DAB1: variants seen among roughly 807,000 people sequenced by gnomAD.
The protein encoded by DAB1 is DAB adaptor protein 1.
A neutral mutation model predicts 64.6 loss-of-function variants in DAB1; 15 were observed. The ratio of observed to expected loss-of-function variants is 0.23; its 90% confidence interval spans 0.16 to 0.36. The LOEUF is 0.36. DAB1 is among the 10% of genes least tolerant of loss of function. The pLI is 1.00. For synonymous variants in DAB1, 235 were observed against 251.9 expected, an observed-to-expected ratio of 0.93 and a Z score of 0.64; for missense variants, 596 against 706.7, an observed-to-expected ratio of 0.84 and a Z score of 1.78.
intron 2 of DAB1, among the ~76,000 whole-genome samples, chr1:57,153,584 T>C (rs1659901822): frequency 6.6e-6 from 1 of 151,870 alleles, no homozygotes; most frequent in African/African-American, 2.4e-5. Context: ...GGTTTTTTTA[T>C]TTTAATTTTT....
chr1:58,319,495 C>T (rs1662635270), intron 4 of DAB1, among the ~76,000 whole-genome samples: 1 of 152,196 alleles, frequency 6.6e-6, no homozygotes. Flanking sequence ...CAAACATTCT[C>T]AGGACTCTTC....
chr1:58,125,684 A>T (rs1250724841), intron 5 of DAB1, among the ~76,000 whole-genome samples: 1 of 152,126 alleles, frequency 6.6e-6, no homozygotes. Flanking sequence ...AGGCTCAAAC[A>T]ATCCACCTGT....
intron 5 of DAB1, among the ~76,000 whole-genome samples, chr1:58,084,217 G>T (rs1227338290): frequency 6.6e-6 from 1 of 152,108 alleles, no homozygotes; most frequent in African/African-American, 2.4e-5. Context: ...AGGATCAAAT[G>T]AGATGTTTCT....
At chr1:57,189,750 T>C (rs1663943776) in intron 2 of DAB1, among the ~76,000 whole-genome samples, 1 of 150,150 alleles carries the variant, frequency 6.7e-6, no homozygotes, top group Non-Finnish European at 1.5e-5. Flanking sequence ...AACAGGAGCA[T>C]CCATTAAAAA....
chr1:58,303,573 T>A (rs949006317), intron 4 of DAB1, among the ~76,000 whole-genome samples: 8 of 152,156 alleles, frequency 5.3e-5, no homozygotes, highest in African/African-American at 1.9e-4. Context: ...AAACCAGAGA[T>A]GCGTGATATG....
At chr1:58,161,565 G>A (rs1053601945) in intron 4 of DAB1, among the ~76,000 whole-genome samples, 1 of 152,122 alleles carries the variant, frequency 6.6e-6, no homozygotes, top group Non-Finnish European at 1.5e-5. Flanking sequence ...CTTACTGAGT[G>A]CCAAATACTG....
At chr1:58,096,753 T>C (rs936980588) in intron 5 of DAB1, among the ~76,000 whole-genome samples, 3 of 152,244 alleles carry the variant, frequency 2.0e-5, no homozygotes, top group Admixed American at 2.0e-4. Flanking sequence ...CCAATATATC[T>C]CTGCTACTTT....
At chr1:57,297,985 C>A (rs1570203097) in intron 1 of DAB1, among the ~76,000 whole-genome samples, 1 of 152,204 alleles carries the variant, frequency 6.6e-6, no homozygotes, top group Admixed American at 6.5e-5. Context: ...AGACTGTATT[C>A]CATGCCCACT....
At chr1:57,086,573 G>T (rs545499255) in intron 4 of DAB1, among the ~76,000 whole-genome samples, 3 of 151,378 alleles carry the variant, frequency 2.0e-5, no homozygotes, top group African/African-American at 4.9e-5. Context: ...CCTGCTTCCT[G>T]GTCTACAGTC....
intron 3 of DAB1, among the ~76,000 whole-genome samples, chr1:58,413,334 T>C (rs1262505894): frequency 6.6e-6 from 1 of 152,230 alleles, no homozygotes; most frequent in Admixed American, 6.5e-5. Flanking sequence ...TTATCTCACT[T>C]ATTCTTAAAA....
At position 58,036,410 on chromosome 1, in the gene DAB1, T is replaced by C. The variant is rs542642541; in HGVS notation, n.387+114101A>G. ...GCTGGTTGAGCGTGCCCTGCCACTCTGGGCTGCCCACAGGGAGATCTAGCT... is the reference window on the plus strand; with the variant it reads ...GCTGGTTGAGCGTGCCCTGCCACTCCGGGCTGCCCACAGGGAGATCTAGCT... On this transcript the variant is annotated intron_variant and non_coding_transcript_variant, in intron 5 of 20. Transcript: ENST00000485760. Among the ~76,000 whole-genome samples, 6 of 152,302 alleles carry C rather than the reference T, an allele frequency of 3.9e-5. No homozygotes were observed. In the South Asian group the frequency reaches 1.2e-3, roughly 32 times the overall value.
rs921996172 is a variant in DAB1 at position 57,402,112 on chromosome 1, C to T, written c.-137+21818G>A. Among the ~76,000 whole-genome samples, 16 of 152,084 alleles carry T rather than the reference C, an allele frequency of 1.1e-4. 1 individual carries two copies. The highest frequency in any genetic ancestry group is 8.3e-4 in the South Asian group (4 of 4,820). ...ATAAAGAAAAAGACCTCTAATTTCA[C>T]GGTACAGTAGATGTTAGAACAAGAA... On this transcript the variant is annotated intron_variant, in intron 1 of 14. Transcript: ENST00000371236.
chr1:57,242,785 C>A (rs746664958), intron 2 of DAB1, among the ~76,000 whole-genome samples: 1 of 152,124 alleles, frequency 6.6e-6, no homozygotes, highest in Non-Finnish European at 1.5e-5. Context: ...AATGTTTAAA[C>A]CTGCTTTTCA....
chr1:57,977,204 T>C (rs1210043025), intron 5 of DAB1, among the ~76,000 whole-genome samples: 1 of 152,180 alleles, frequency 6.6e-6, no homozygotes, highest in Non-Finnish European at 1.5e-5. Flanking sequence ...AACCCACTCC[T>C]GCCCACTGGT....
chr1:57,199,451 G>T (rs1397238241), intron 2 of DAB1, among the ~76,000 whole-genome samples: 4 of 152,156 alleles, frequency 2.6e-5, no homozygotes, highest in African/African-American at 9.7e-5. Context: ...GGCTTGTTGG[G>T]AGGTGGCAGC....
In DAB1 at chr1:58,225,863, T is replaced by C. The variant is rs968069994; in HGVS notation, n.310-75275A>G. Among the ~76,000 whole-genome samples the C allele has an allele frequency of 2.7e-5, 4 of 148,186 alleles. 1 individual carries two copies. Among genetic ancestry groups the C allele is most frequent in the Non-Finnish European group, 5.9e-5 (4 of 67,350 alleles). On this transcript the variant is annotated intron_variant and non_coding_transcript_variant, in intron 4 of 20. Transcript: ENST00000485760. ...ATTAGGAGATAGACCTAATGTTACATGACAAGTTAATGGGTGCAGCACACC... is the reference window on the plus strand; with the variant it reads ...ATTAGGAGATAGACCTAATGTTACACGACAAGTTAATGGGTGCAGCACACC...
chr1:57,126,409 A>G (rs1164414638), intron 4 of DAB1, among the ~76,000 whole-genome samples: 1 of 152,170 alleles, frequency 6.6e-6, no homozygotes, highest in African/African-American at 2.4e-5. Context: ...AATGTAGTGG[A>G]CAGGGCACCC....
chr1:57,290,088 A>G (rs1672647272), intron 2 of DAB1, among the ~76,000 whole-genome samples: 1 of 152,220 alleles, frequency 6.6e-6, no homozygotes, highest in African/African-American at 2.4e-5. Flanking sequence ...CTAGCTCCAA[A>G]GGAGTTTATG....
chr1:58,408,142 C>A (rs528000074), intron 3 of DAB1, among the ~76,000 whole-genome samples: 1 of 152,346 alleles, frequency 6.6e-6, no homozygotes, highest in African/African-American at 2.4e-5. Flanking sequence ...GAAACCTGAG[C>A]ACTCTGGTTT....
Sources: gnomAD v4.1 joint callset for allele counts (sites outside exome capture counted in the v4.1 genomes callset) on GRCh38, gnomAD v4.1.1 for gene constraint, MANE v1.5 for transcripts, NCBI Gene and HGNC (gene_info 2026-07-23, HGNC 2026-07-21) for gene names.